The following PPARG variants were observed in gnomAD, a reference collection of about 807,000 sequenced individuals.
PPARG encodes the protein peroxisome proliferator-activated receptor gamma.
A neutral mutation model predicts 39.2 loss-of-function variants in PPARG; 17 were observed. The observed-to-expected ratio is 0.43, with a 90% CI of 0.30 to 0.65. The LOEUF is 0.65. Ranked by LOEUF, PPARG falls within the 30% of genes least tolerant of loss-of-function variation. The probability of loss-of-function intolerance (pLI) is 0.13; values close to 1 mark genes in which losing one functional copy is unlikely to be tolerated. For missense variants in PPARG, 406 were observed against 585.9 expected (o/e 0.69, Z 3.17); for synonymous variants, 223 against 215.7 (o/e 1.03, Z -0.30).
intron 7 of PPARG, among the ~76,000 whole-genome samples, chr3:12,429,979 G>C (rs889686994): frequency 1.3e-5 from 2 of 152,166 alleles, no homozygotes; most frequent in African/African-American, 4.8e-5. Context: ...TCTGGTCAAT[G>C]GGATATGTTG....
chr3:12,374,200 G>A (rs2049324408), intron 2 of PPARG, among the ~76,000 whole-genome samples: 1 of 152,156 alleles, frequency 6.6e-6, no homozygotes, highest in African/African-American at 2.4e-5. Context: ...ATTCTTGGGT[G>A]GAGGAAGGGA....
intron 1 of PPARG, among the ~76,000 whole-genome samples, chr3:12,291,773 C>G (rs114468805): frequency 0.022 from 3,321 of 152,142 alleles, 125 homozygotes; most frequent in African/African-American, 0.076. Flanking sequence ...ATTTTAATGC[C>G]GAGAATTTCA....
chr3:12,374,174 A>G (rs141664091), intron 2 of PPARG, among the ~76,000 whole-genome samples: 1 of 152,308 alleles, frequency 6.6e-6, no homozygotes, highest in East Asian at 1.9e-4. Context: ...CTAGTAGAGG[A>G]CAGCAAAACC....
intron 1 of PPARG, among the ~76,000 whole-genome samples, chr3:12,291,514 G>A (rs1415972594): frequency 1.3e-5 from 2 of 152,074 alleles, no homozygotes; most frequent in Non-Finnish European, 2.9e-5. Flanking sequence ...GGTAGATTGG[G>A]GGAGTAATAT....
chr3:12,328,753 T>G (rs2047764565), intron 2 of PPARG, among the ~76,000 whole-genome samples: 1 of 152,212 alleles, frequency 6.6e-6, no homozygotes, highest in Non-Finnish European at 1.5e-5. Flanking sequence ...TCCCTTCCTG[T>G]ATCTTTGACT....
At chr3:12,310,587 C>T (rs1574967435) in intron 1 of PPARG, among the ~76,000 whole-genome samples, 3 of 120,486 alleles carry the variant, frequency 2.5e-5, no homozygotes, top group African/African-American at 9.1e-5. Flanking sequence ...CCTCAGCCTC[C>T]CAAGTAGCTG....
intron 1 of PPARG, among the ~76,000 whole-genome samples, chr3:12,311,487 G>A (rs1467994476): frequency 1.3e-5 from 2 of 152,176 alleles, no homozygotes; most frequent in African/African-American, 2.4e-5. Context: ...AACAAAATGG[G>A]AAAACATTTT....
intron 6 of PPARG, among the ~76,000 whole-genome samples, chr3:12,408,183 G>A (rs142444327): frequency 1.2e-4 from 19 of 152,178 alleles, no homozygotes; most frequent in African/African-American, 4.1e-4. Flanking sequence ...AGAAAGCTTC[G>A]GTCTGAGAAA....
At chr3:12,420,908 T>C (rs1332367288) in intron 7 of PPARG, among the ~76,000 whole-genome samples, 1 of 152,156 alleles carries the variant, frequency 6.6e-6, no homozygotes, top group African/African-American at 2.4e-5. Flanking sequence ...CTCTCTCTCT[T>C]TCTCCCCTGA....
At chr3:12,384,689 G>C (rs1249518901) in intron 4 of PPARG, among the ~76,000 whole-genome samples, 1 of 152,120 alleles carries the variant, frequency 6.6e-6, no homozygotes, top group Non-Finnish European at 1.5e-5. Flanking sequence ...CATCCATGAA[G>C]TTGAAACTAT....
At chr3:12,335,529 T>C (rs2047986597) in intron 2 of PPARG, among the ~76,000 whole-genome samples, 1 of 152,218 alleles carries the variant, frequency 6.6e-6, no homozygotes, top group Non-Finnish European at 1.5e-5. Context: ...TGACTATTGT[T>C]GTTTATGTTG....
chr3:12,300,769 G>T (rs2046905561), intron 1 of PPARG, among the ~76,000 whole-genome samples: 2 of 152,096 alleles, frequency 1.3e-5, no homozygotes, highest in African/African-American at 4.8e-5. Flanking sequence ...ATTTTCATGG[G>T]AAAATTCCAT....
At chr3:12,323,045 A>C (rs1016990791) in intron 2 of PPARG, among the ~76,000 whole-genome samples, 1 of 152,136 alleles carries the variant, frequency 6.6e-6, no homozygotes, top group African/African-American at 2.4e-5. Flanking sequence ...AGCTCAAGCC[A>C]TCCTCCCACC....
intron 2 of PPARG, among the ~76,000 whole-genome samples, chr3:12,316,280 A>AT (rs1217923317): frequency 6.6e-6 from 1 of 152,110 alleles, no homozygotes; most frequent in Non-Finnish European, 1.5e-5. Context: ...TCAACCCTGA[A>AT]TTTTTTTGCC....
At chr3:12,368,521 A>G (rs946076155) in intron 2 of PPARG, among the ~76,000 whole-genome samples, 1 of 152,130 alleles carries the variant, frequency 6.6e-6, no homozygotes, top group South Asian at 2.1e-4. Flanking sequence ...AAAATAAAAG[A>G]TTCTATATTC....
At chr3:12,355,014 T>C (rs553863339) in intron 2 of PPARG, among the ~76,000 whole-genome samples, 1 of 152,324 alleles carries the variant, frequency 6.6e-6, no homozygotes, top group Admixed American at 6.5e-5. Flanking sequence ...AAGTTATTCT[T>C]TGGGCCTAAA....
At chr3:12,392,778 C>G (rs2050126779) in intron 5 of PPARG, 26 bp downstream of exon 5, 2 of 1,612,930 alleles carry the variant, frequency 1.2e-6, no homozygotes, top group South Asian at 2.2e-5. Context: ...TCACCATATA[C>G]TTTATTATTC....
At chr3:12,414,752 C>T (rs1045174792) in intron 6 of PPARG, among the ~76,000 whole-genome samples, 1 of 152,034 alleles carries the variant, frequency 6.6e-6, no homozygotes, top group Non-Finnish European at 1.5e-5. Context: ...TTAAGAAATA[C>T]GGTAAGGACA....
chr3:12,411,737 T>C (rs535771104), intron 6 of PPARG, among the ~76,000 whole-genome samples: 42 of 152,166 alleles, frequency 2.8e-4, no homozygotes, highest in African/African-American at 9.9e-4. Context: ...TTATGTCCTA[T>C]AAATCTCATA....
Sources: gnomAD v4.1 joint callset for allele counts (sites outside exome capture counted in the v4.1 genomes callset) on GRCh38, gnomAD v4.1.1 for gene constraint, MANE v1.5 for transcripts, NCBI Gene and HGNC (gene_info 2026-07-23, HGNC 2026-07-21) for gene names.